PLXNA2: variants seen among roughly 807,000 people sequenced by gnomAD.
PLXNA2 encodes the protein plexin A2, also known as plexin-A2.
Under a neutral mutation model 193.5 loss-of-function variants are expected in PLXNA2, and 91 were observed. The observed-to-expected ratio is 0.47, with a 90% CI of 0.40 to 0.56. The LOEUF is 0.56. Among genes scored for constraint, PLXNA2 ranks in the 20% least tolerant of loss-of-function variants. PLXNA2 has a pLI of 0.00. For synonymous variants in PLXNA2, 997 were observed against 1,027.3 expected (o/e 0.97, Z 0.56); for missense variants, 1,995 against 2,503.2 (o/e 0.80, Z 4.33).
intron 9 of PLXNA2, among the ~76,000 whole-genome samples, chr1:208,085,964 T>G (rs564720031): frequency 6.6e-6 from 1 of 152,346 alleles, no homozygotes; most frequent in South Asian, 2.1e-4. Flanking sequence ...TTTTTGGTTT[T>G]TTTAAATCAT....
At chr1:208,215,632 A>G (rs1219416239) in intron 2 of PLXNA2, among the ~76,000 whole-genome samples, 1 of 150,008 alleles carries the variant, frequency 6.7e-6, no homozygotes, top group African/African-American at 2.4e-5. Context: ...GGATGGATGG[A>G]TGATGGATGG....
chr1:208,224,082 CTCTG>C (rs1354724311), intron 1 of PLXNA2, among the ~76,000 whole-genome samples: 1 of 152,224 alleles, frequency 6.6e-6, no homozygotes, highest in Non-Finnish European at 1.5e-5. Flanking sequence ...CTGAGCATCG[CTCTG>C]TCTAACACCG....
chr1:208,043,547 G>T (rs1664951492), intron 20 of PLXNA2, among the ~76,000 whole-genome samples: 1 of 152,196 alleles, frequency 6.6e-6, no homozygotes, highest in Non-Finnish European at 1.5e-5. Context: ...GGCTGAGGGG[G>T]TCCAGCAAAG....
Position 208,038,975 on chromosome 1 carries a change from A to C in PLXNA2, c.4510T>G (p.Cys1504Gly). The change falls in exon 25 of 32, where the codon TGC (cysteine) becomes GGC (glycine). Residue 1504 changes from cysteine (C) to glycine (G), a missense_variant. Cys to Gly is a radical substitution (Grantham distance 159). Transcript: ENST00000367033. The surrounding 1 kb of genome is among the most constrained non-coding windows in gnomAD (Gnocchi z 4.1). Reference sequence around the variant, plus strand: ...CTGTTCTCGTTGTCAGGGTTGACGCAGTTCAGGATCTACAAGTAGGGGACA... The same window carrying C: ...CTGTTCTCGTTGTCAGGGTTGACGCCGTTCAGGATCTACAAGTAGGGGACA... ...QIEYKTLILNCVNPDNENSPE... is the reference protein window; with the variant it reads ...QIEYKTLILNGVNPDNENSPE... 1 of 1,613,740 alleles carries C rather than the reference A, an allele frequency of 6.2e-7. No homozygotes were observed. The highest frequency in any genetic ancestry group is 8.5e-7 in the Non-Finnish European group (1 of 1,179,762).
chr1:208,218,027 C>A, intron 1 of PLXNA2, 25 bp from the exon 2 acceptor site: 2 of 1,537,294 alleles, frequency 1.3e-6, no homozygotes, highest in South Asian at 2.4e-5. Flanking sequence ...GCAGAGTGGT[C>A]AGACCAAAAA....
chr1:208,168,722 GGGT>G (rs1669387880), intron 3 of PLXNA2, among the ~76,000 whole-genome samples: 1 of 22,000 alleles, frequency 4.5e-5, no homozygotes, highest in Non-Finnish European at 1.5e-4. Context: ...AGAGTATGCG[GGGT>G]TTTTTTTTTT....
chr1:208,187,574 A>C (rs1670048288), intron 3 of PLXNA2, among the ~76,000 whole-genome samples: 1 of 151,984 alleles, frequency 6.6e-6, no homozygotes, highest in African/African-American at 2.4e-5. Context: ...CAAACCTGAA[A>C]CTCTCACAAG....
At chr1:208,120,061 C>G (rs532004363) in intron 4 of PLXNA2, among the ~76,000 whole-genome samples, 1 of 152,194 alleles carries the variant, frequency 6.6e-6, no homozygotes, top group South Asian at 2.1e-4. Flanking sequence ...GCTCCTAGCT[C>G]TAAGCACAGG....
chr1:208,033,186 A>G, intron 28 of PLXNA2, 133 bp downstream of exon 28: 1 of 808,406 alleles, frequency 1.2e-6, no homozygotes. Context: ...ATGAGCCACC[A>G]GGTCTGGCTG....
At chr1:208,158,260 C>A (rs535582254) in intron 3 of PLXNA2, among the ~76,000 whole-genome samples, 3 of 152,214 alleles carry the variant, frequency 2.0e-5, no homozygotes, top group Admixed American at 2.0e-4. Flanking sequence ...TTAACACCCA[C>A]CTGCGTCTCT....
At chr1:208,052,214 G>A in intron 15 of PLXNA2, 113 bp downstream of exon 15, 1 of 1,064,136 alleles carries the variant, frequency 9.4e-7, no homozygotes. Flanking sequence ...TCTAGGTGTA[G>A]CAAATAACAT....
chr1:208,223,813 G>T (rs563282246), intron 1 of PLXNA2, among the ~76,000 whole-genome samples: 30 of 152,334 alleles, frequency 2.0e-4, no homozygotes, highest in African/African-American at 6.0e-4. Flanking sequence ...TCTGCCTAGA[G>T]AGGATCTGCA....
Position 208,045,111 on chromosome 1 carries a change from G to T in PLXNA2, c.3595C>A (p.Leu1199Ile), listed in dbSNP as rs752971905. The T allele has an allele frequency of 6.2e-7, 1 of 1,614,190 alleles. No individual in the cohort carries two copies. Among genetic ancestry groups the T allele is most frequent in the Non-Finnish European group, 8.5e-7 (1 of 1,180,036 alleles). Reference protein sequence around the residue: ...PCAVTVSETQLLCEPPNLTGQ... With the variant: ...PCAVTVSETQILCEPPNLTGQ... ...GTGAGGTTGGGAGGCTCGCAGAGAA[G>T]CTGGGTCTCAGATACGGTGACAGCA... is the stretch of plus-strand genomic sequence containing the variant. Residue 1199 changes from leucine (L) to isoleucine (I), a missense_variant, in exon 19 of 32, where the codon CTT (leucine) becomes ATT (isoleucine). By Grantham distance (5) the Leu-to-Ile change is conservative. Transcript: ENST00000367033.
intron 4 of PLXNA2, among the ~76,000 whole-genome samples, chr1:208,105,222 A>G (rs942132333): frequency 6.6e-6 from 1 of 152,174 alleles, no homozygotes; most frequent in Non-Finnish European, 1.5e-5. Flanking sequence ...TCCAATGAAG[A>G]GTCTCAAAGT....
Position 208,216,494 on chromosome 1 carries a change from C to T in PLXNA2, c.1188+241G>A, listed in dbSNP as rs557768155. On this transcript the variant is annotated intron_variant, in intron 2 of 31. Coordinates refer to ENST00000367033, the MANE Select transcript of PLXNA2 (RefSeq NM_025179.4). ...AAGCCTGCAGCATTTACAATAGCAC[C>T]TGATGTGATGTAGGCACTCAATACA... Among the ~76,000 whole-genome samples the T allele has an allele frequency of 2.0e-5, 3 of 152,338 alleles. No individual in the cohort carries two copies. The South Asian group carries it at 6.2e-4, about 32-fold the overall frequency.
intron 17 of PLXNA2, among the ~76,000 whole-genome samples, chr1:208,047,764 T>C (rs1571860206): frequency 6.6e-6 from 1 of 152,384 alleles, no homozygotes; most frequent in African/African-American, 2.4e-5. Flanking sequence ...CAAAAAAAGC[T>C]GACACTTGCA....
chr1:208,102,438 G>C (rs1667127020), intron 5 of PLXNA2, among the ~76,000 whole-genome samples: 1 of 152,210 alleles, frequency 6.6e-6, no homozygotes, highest in African/African-American at 2.4e-5. Flanking sequence ...AAGTTTAAGT[G>C]TGATTTAGCA....
chr1:208,217,571 T>C lies in PLXNA2; in HGVS notation c.352A>G (p.Ile118Val). ...TLTNNVNKLL[I>V]IDYSENRLLA... is the part of the protein sequence containing the mutation. ...AGGCGGTTCTCAGAGTAGTCAATGA[T>C]GAGCAGCTTGTTGACATTGTTGGTG... Residue 118 changes from isoleucine (I) to valine (V), a missense_variant, in exon 2 of 32, where the codon ATC becomes GTC. Coordinates refer to ENST00000367033, the MANE Select transcript of PLXNA2 (RefSeq NM_025179.4). This position sits in a 1 kb window ranked among gnomAD's most constrained non-coding sequence, Gnocchi z 4.7. 6.2e-7 allele frequency: 1 copy of C among 1,614,186 alleles called. No individual in the cohort carries two copies. Among genetic ancestry groups the C allele is most frequent in the Non-Finnish European group, 8.5e-7 (1 of 1,180,032 alleles).
chr1:208,051,103 C>T lies in PLXNA2; in HGVS notation c.3162-1G>A. The T allele has an allele frequency of 6.2e-7, 1 of 1,613,500 alleles. No individual in the cohort carries two copies. The highest frequency in any genetic ancestry group is 8.5e-7 in the Non-Finnish European group (1 of 1,179,450). On this transcript the variant is annotated splice_acceptor_variant, in intron 16 of 31. Transcript: ENST00000367033. LOFTEE classifies it high-confidence loss of function. ...TGTGATGGTCAGGGGTGTGTGGCCA[C>T]TGAAAACAGGCAGAGGCTCGGTTAG...
Sources: gnomAD v4.1 joint callset for allele counts (sites outside exome capture counted in the v4.1 genomes callset) on GRCh38, gnomAD v4.1.1 for gene constraint, Gnocchi (gnomAD v3.1) non-coding constraint, MANE v1.5 for transcripts, NCBI Gene and HGNC (gene_info 2026-07-23, HGNC 2026-07-21) for gene names.